The following TMEM26 variants were observed in gnomAD, a reference collection of about 807,000 sequenced individuals.
The protein encoded by TMEM26 is transmembrane protein 26.
In TMEM26, 38 loss-of-function variants were observed where a neutral mutation model predicts 28.8. The observed-to-expected ratio is 1.32, with a 90% CI of 1.02 to 1.73. The LOEUF is 1.73. TMEM26 is among the 40% of genes most tolerant of loss of function. The pLI is 0.00. For missense variants in TMEM26, 518 were observed against 447.1 expected (o/e 1.16, Z -1.43); for synonymous variants, 227 against 182.9 (o/e 1.24, Z -1.95).
chr10:61,439,042 C>A (rs1840050679), intron 1 of TMEM26, among the ~76,000 whole-genome samples: 2 of 152,188 alleles, frequency 1.3e-5, no homozygotes, highest in Non-Finnish European at 2.9e-5. Context: ...ACAAAGTGCT[C>A]TCTGCTCTTT....
intron 4 of TMEM26, among the ~76,000 whole-genome samples, chr10:61,418,972 C>T (rs1839698995): frequency 6.6e-6 from 1 of 152,130 alleles, no homozygotes; most frequent in Admixed American, 6.6e-5. Flanking sequence ...GTCATAAGGG[C>T]TCATAGTATT....
At chr10:61,417,176 G>A (rs1257115593) in intron 4 of TMEM26, among the ~76,000 whole-genome samples, 1 of 152,012 alleles carries the variant, frequency 6.6e-6, no homozygotes, top group Non-Finnish European at 1.5e-5. Flanking sequence ...TGTCCCATGT[G>A]TGTAATCTGC....
intron 4 of TMEM26, among the ~76,000 whole-genome samples, chr10:61,424,957 T>C (rs918501717): frequency 6.6e-6 from 1 of 152,150 alleles, no homozygotes; most frequent in Non-Finnish European, 1.5e-5. Context: ...TAGAAATAAA[T>C]GTAAGAACTA....
chr10:61,437,979 A>C (rs1315892997), intron 1 of TMEM26, among the ~76,000 whole-genome samples: 2 of 152,202 alleles, frequency 1.3e-5, no homozygotes, highest in Non-Finnish European at 2.9e-5. Flanking sequence ...ATGAAATGTT[A>C]CCCAAAGTAT....
chr10:61,428,055 T>G (rs117995613), intron 4 of TMEM26, among the ~76,000 whole-genome samples: 5 of 152,258 alleles, frequency 3.3e-5, no homozygotes, highest in Non-Finnish European at 5.9e-5. Flanking sequence ...ATATAATTTG[T>G]GCTATAATTG....
At chr10:61,417,464 AG>A (rs1839671929) in intron 4 of TMEM26, among the ~76,000 whole-genome samples, 1 of 138,024 alleles carries the variant, frequency 7.2e-6, no homozygotes, top group South Asian at 2.4e-4. Flanking sequence ...GAATTCATCT[AG>A]TTTTTTTTTT....
At chr10:61,448,090 T>C (rs928256558) in intron 1 of TMEM26, among the ~76,000 whole-genome samples, 4 of 152,276 alleles carry the variant, frequency 2.6e-5, no homozygotes, top group East Asian at 1.9e-4. Flanking sequence ...TACACTGTTG[T>C]TGAAAGAAGA....
chr10:61,449,297 T>C (rs1305241987), intron 1 of TMEM26, among the ~76,000 whole-genome samples: 2 of 152,236 alleles, frequency 1.3e-5, no homozygotes, highest in Admixed American at 6.5e-5. Flanking sequence ...ATATTTTTTT[T>C]AGCTTAACGG....
rs756970684 is a variant in TMEM26 at position 61,410,338 on chromosome 10, G to A, written c.1091C>T (p.Ser364Phe). ...AATCAATAACTAAGGGGTGTGGTGG[G>A]AGTCGTCGGAGGTGACTGGGGAGCC... ...LRGSPVTSDD[S>F]HHTP The change falls in exon 6 of 6, where the codon TCC becomes TTC. Residue 364 changes from serine to phenylalanine, a missense_variant. Coordinates refer to ENST00000399298, the MANE Select transcript of TMEM26 (RefSeq NM_178505.8). 1 of 1,611,468 alleles carries A rather than the reference G, an allele frequency of 6.2e-7. No individual in the cohort carries two copies. Among genetic ancestry groups the A allele is most frequent in the Non-Finnish European group, 8.5e-7 (1 of 1,178,144 alleles).
chr10:61,434,120 CTTTA>C (rs1283425010), intron 2 of TMEM26, among the ~76,000 whole-genome samples: 1 of 152,068 alleles, frequency 6.6e-6, no homozygotes, highest in East Asian at 1.9e-4. Context: ...GCCATTTCTT[CTTTA>C]TTTAACTGCA....
At chr10:61,434,718 A>G (rs1042868521) in intron 2 of TMEM26, among the ~76,000 whole-genome samples, 2 of 152,230 alleles carry the variant, frequency 1.3e-5, no homozygotes, top group Non-Finnish European at 2.9e-5. Flanking sequence ...ATTCATCCCT[A>G]CATTCTTGGT....
intron 2 of TMEM26, among the ~76,000 whole-genome samples, chr10:61,433,884 T>G (rs779878900): frequency 1.1e-4 from 16 of 152,204 alleles, no homozygotes; most frequent in Non-Finnish European, 2.2e-4. Context: ...TTACTGTGTA[T>G]TCACCGTATC....
At position 61,426,367 on chromosome 10, in the gene TMEM26, C is replaced by T. The variant is rs76455357; in HGVS notation, c.605+2559G>A. On this transcript the variant is annotated intron_variant, in intron 4 of 5. Transcript: ENST00000399298. ...TTATGGATAAACAAATCTATAATTA[C>T]TAAATATCATTAAACAATAGAATTA... 3.7e-3 allele frequency among the ~76,000 whole-genome samples: 566 copies of T among 152,120 alleles called. 3 individuals carry two copies. Among genetic ancestry groups the T allele is most frequent in the African/African-American group, 0.013 (542 of 41,534 alleles).
chr10:61,431,071 T>A, intron 3 of TMEM26, 148 bp downstream of exon 3: 1 of 596,548 alleles, frequency 1.7e-6, no homozygotes, highest in South Asian at 2.2e-5. Context: ...AATTTAAAAA[T>A]ATAATTATTT....
At chr10:61,422,721 A>G (rs2135299651) in intron 4 of TMEM26, among the ~76,000 whole-genome samples, 1 of 152,232 alleles carries the variant, frequency 6.6e-6, no homozygotes. Context: ...TATAATAGAA[A>G]ATATGAAAGG....
chr10:61,409,347 T>C lies in TMEM26; in HGVS notation c.*975A>G, dbSNP rs946465911. The C allele has an allele frequency of 6.6e-6, 1 of 152,206 alleles. No individual in the cohort carries two copies. The highest frequency in any genetic ancestry group is 2.4e-5 in the African/African-American group (1 of 41,454). 9.4% of individuals were successfully genotyped at this position (152,206 alleles called of 1,614,324 possible). A position where few individuals can be genotyped will look rare whatever the true frequency, so the allele number is the denominator to read the frequency against. ...GAGCTGATGCAACCCTCCATCACCA[T>C]GTTCCCTGAGAGCAAAGGCCACTTC... On this transcript the variant is annotated 3_prime_UTR_variant, in exon 6 of 6. Transcript: ENST00000399298.
At chr10:61,431,384 G>A (rs768889158) in intron 2 of TMEM26, 52 bp from the exon 3 acceptor site, 3 of 1,293,898 alleles carry the variant, frequency 2.3e-6, no homozygotes, top group East Asian at 4.6e-5. Flanking sequence ...GCACAATATG[G>A]TAGAGATCAA....
At chr10:61,431,376 A>C in intron 2 of TMEM26, 44 bp from the exon 3 acceptor site, 1 of 1,391,724 alleles carries the variant, frequency 7.2e-7, no homozygotes, top group East Asian at 2.3e-5. Flanking sequence ...AAAAATTAGC[A>C]CAATATGGTA....
chr10:61,417,127 A>G (rs1037546915), intron 4 of TMEM26, among the ~76,000 whole-genome samples: 7 of 152,042 alleles, frequency 4.6e-5, no homozygotes, highest in Non-Finnish European at 8.8e-5. Flanking sequence ...GCAAACACTC[A>G]AGATCTGTAA....
Sources: gnomAD v4.1 joint callset for allele counts (sites outside exome capture counted in the v4.1 genomes callset) on GRCh38, gnomAD v4.1.1 for gene constraint, MANE v1.5 for transcripts, NCBI Gene and HGNC (gene_info 2026-07-23, HGNC 2026-07-21) for gene names.